The following SHISA6 variants were observed in gnomAD, a reference collection of about 807,000 sequenced individuals.
The protein encoded by SHISA6 is shisa family member 6.
SHISA6 carries 22 observed loss-of-function variants against 47.9 expected under a neutral mutation model. The ratio of observed to expected loss-of-function variants is 0.46; its 90% CI spans 0.33 to 0.66. The LOEUF (loss-of-function observed/expected upper bound fraction) is 0.66, where lower values mean the gene tolerates loss of function less well. Among genes scored for constraint, SHISA6 ranks in the 30% least tolerant of loss-of-function variants. The probability of loss-of-function intolerance (pLI) is 0.02; values close to 1 mark genes in which losing one functional copy is unlikely to be tolerated. For missense variants in SHISA6, 680 were observed against 764.6 expected (o/e 0.89, Z 1.30); for synonymous variants, 388 against 337.8 (o/e 1.15, Z -1.63).
chr17:11,346,713 AT>A (rs1911711980), intron 2 of SHISA6, among the ~76,000 whole-genome samples: 1 of 152,166 alleles, frequency 6.6e-6, no homozygotes, highest in Non-Finnish European at 1.5e-5. Context: ...TTATTTTGTT[AT>A]GTTGAAATAA....
intron 2 of SHISA6, among the ~76,000 whole-genome samples, chr17:11,276,566 CTCCTTT>C (rs1270691852): frequency 6.6e-6 from 1 of 152,150 alleles, no homozygotes; most frequent in Non-Finnish European, 1.5e-5. Flanking sequence ...CTTCCTCCCT[CTCCTTT>C]TCCTTAACAT....
intron 2 of SHISA6, among the ~76,000 whole-genome samples, chr17:11,365,928 T>C (rs1912435245): frequency 6.6e-6 from 1 of 152,204 alleles, no homozygotes; most frequent in South Asian, 2.1e-4. Flanking sequence ...AATAAAAATC[T>C]AAATGATTAA....
intron 3 of SHISA6, among the ~76,000 whole-genome samples, chr17:11,512,969 T>G (rs1597561184): frequency 6.6e-6 from 1 of 152,226 alleles, no homozygotes; most frequent in Admixed American, 6.5e-5. Context: ...AATTATTTCC[T>G]TAGGATCTAT....
At chr17:11,252,389 G>C (rs1326455836) in intron 1 of SHISA6, among the ~76,000 whole-genome samples, 1 of 152,182 alleles carries the variant, frequency 6.6e-6, no homozygotes, top group Non-Finnish European at 1.5e-5. Flanking sequence ...TTAGCCAAAT[G>C]TCCTCTTCTG....
At chr17:11,472,202 T>C (rs1915950437) in intron 3 of SHISA6, among the ~76,000 whole-genome samples, 1 of 152,156 alleles carries the variant, frequency 6.6e-6, no homozygotes, top group African/African-American at 2.4e-5. Context: ...TCTTTTCAGA[T>C]TGTCTTCTTT....
chr17:11,404,735 C>T (rs1307474174), intron 3 of SHISA6, among the ~76,000 whole-genome samples: 10 of 152,306 alleles, frequency 6.6e-5, no homozygotes, highest in East Asian at 1.9e-4. Context: ...ATTTAAACTC[C>T]GCGCCTTGAC....
intron 3 of SHISA6, among the ~76,000 whole-genome samples, chr17:11,454,223 CA>C (rs1212609482): frequency 6.6e-6 from 1 of 152,144 alleles, no homozygotes; most frequent in Non-Finnish European, 1.5e-5. Flanking sequence ...GTTCTACCTC[CA>C]AACTATAGCT....
intron 2 of SHISA6, among the ~76,000 whole-genome samples, chr17:11,354,123 C>T (rs1911996532): frequency 6.6e-6 from 1 of 152,128 alleles, no homozygotes; most frequent in African/African-American, 2.4e-5. Flanking sequence ...AAAATGTCTC[C>T]GGACATTGAA....
At chr17:11,390,698 T>C (rs1040885466) in intron 3 of SHISA6, among the ~76,000 whole-genome samples, 12 of 152,216 alleles carry the variant, frequency 7.9e-5, no homozygotes, top group Non-Finnish European at 1.6e-4. Context: ...TCCTGCATGT[T>C]GGAAGCCAGG....
intron 3 of SHISA6, among the ~76,000 whole-genome samples, chr17:11,490,773 A>C (rs1916455772): frequency 6.6e-6 from 1 of 152,222 alleles, no homozygotes; most frequent in Non-Finnish European, 1.5e-5. Flanking sequence ...GTGTGTTGAA[A>C]GGAGTCCCTG....
At chr17:11,481,783 G>A (rs543546751) in intron 3 of SHISA6, among the ~76,000 whole-genome samples, 3 of 152,070 alleles carry the variant, frequency 2.0e-5, no homozygotes, top group Admixed American at 6.5e-5. Flanking sequence ...GAGCCACCAC[G>A]CCTGGCCCCT....
chr17:11,306,877 T>C (rs574840653), intron 2 of SHISA6, among the ~76,000 whole-genome samples: 1 of 152,310 alleles, frequency 6.6e-6, no homozygotes, highest in Admixed American at 6.5e-5. Context: ...CATGGTGACT[T>C]GTCCCATCCA....
At chr17:11,385,916 G>A (rs961272629) in intron 3 of SHISA6, among the ~76,000 whole-genome samples, 3 of 151,912 alleles carry the variant, frequency 2.0e-5, no homozygotes, top group African/African-American at 4.8e-5. Context: ...GAGCTGAAGC[G>A]TGAGAAGTGA....
intron 2 of SHISA6, among the ~76,000 whole-genome samples, chr17:11,324,034 G>A (rs1910795309): frequency 6.6e-6 from 1 of 152,104 alleles, no homozygotes; most frequent in Non-Finnish European, 1.5e-5. Context: ...ATCTCAGCGT[G>A]CACACCCAGC....
intron 2 of SHISA6, among the ~76,000 whole-genome samples, chr17:11,299,029 G>A (rs138113919): frequency 3.9e-4 from 59 of 152,316 alleles, no homozygotes; most frequent in Admixed American, 1.8e-3. Context: ...AAGTCATGGC[G>A]AAAATACATC....
chr17:11,552,487 T>C (rs1456107146), intron 4 of SHISA6, among the ~76,000 whole-genome samples: 1 of 152,196 alleles, frequency 6.6e-6, no homozygotes, highest in Non-Finnish European at 1.5e-5. Flanking sequence ...CCCTCTTAGA[T>C]TATAATATCC....
At chr17:11,499,861 C>T (rs1252379528) in intron 3 of SHISA6, among the ~76,000 whole-genome samples, 1 of 151,870 alleles carries the variant, frequency 6.6e-6, no homozygotes, top group East Asian at 1.9e-4. Flanking sequence ...GCCACCACAC[C>T]CAGCTAATTT....
chr17:11,456,399 A>C (rs1471363177), intron 3 of SHISA6, among the ~76,000 whole-genome samples: 1 of 152,192 alleles, frequency 6.6e-6, no homozygotes, highest in Admixed American at 6.5e-5. Flanking sequence ...ACCTGGTTCC[A>C]TAAGCAGTCT....
In SHISA6 at chr17:11,336,672, A is replaced by G. The variant is rs555893919; in HGVS notation, c.800-42742A>G. Among the ~76,000 whole-genome samples, 12 of 152,294 alleles carry G rather than the reference A, an allele frequency of 7.9e-5. No homozygotes were observed. In the South Asian group the frequency reaches 2.1e-3, roughly 26 times the overall value. On this transcript the variant is annotated intron_variant, in intron 2 of 5. Transcript: ENST00000441885. ...CCCCTCTAACAGTGATTGGACAGAA[A>G]CTGAGCCACCAGCAAAGCCTTTCCC... is the stretch of plus-strand genomic sequence containing the variant.
Sources: allele counts gnomAD v4.1 joint callset (sites outside exome capture counted in the v4.1 genomes callset), GRCh38; gene constraint gnomAD v4.1.1; transcripts MANE v1.5; gene names NCBI Gene and HGNC (gene_info 2026-07-23, HGNC 2026-07-21).